GUCA1C: variants seen among roughly 807,000 people sequenced by gnomAD.
The protein encoded by GUCA1C is guanylate cyclase activator 1C, also known as guanylyl cyclase-activating protein 3.
In GUCA1C, 15 loss-of-function variants were observed where a neutral mutation model predicts 16.2. That is an observed-to-expected ratio of 0.93 (90% CI 0.62 to 1.43). The LOEUF is 1.43. GUCA1C is among the 40% of genes most tolerant of loss of function. The probability of loss-of-function intolerance (pLI) is 0.00; values close to 1 mark genes in which losing one functional copy is unlikely to be tolerated. For missense variants in GUCA1C, 275 were observed against 244.8 expected (o/e 1.12, Z -0.82); for synonymous variants, 78 against 85.4 (o/e 0.91, Z 0.48).
chr3:108,940,820 C>T (rs913195162), intron 1 of GUCA1C, among the ~76,000 whole-genome samples: 8 of 152,176 alleles, frequency 5.3e-5, no homozygotes, highest in African/African-American at 1.7e-4. Context: ...AAAGTGTTTT[C>T]AACTGCATTA....
At chr3:108,948,507 C>A (rs1370390081) in intron 1 of GUCA1C, among the ~76,000 whole-genome samples, 1 of 152,124 alleles carries the variant, frequency 6.6e-6, no homozygotes, top group Non-Finnish European at 1.5e-5. Flanking sequence ...AATAAACCCT[C>A]ATTTTTGATG....
chr3:108,928,115 G>A (rs111465719), intron 1 of GUCA1C, among the ~76,000 whole-genome samples: 2 of 152,224 alleles, frequency 1.3e-5, no homozygotes, highest in African/African-American at 4.8e-5. Flanking sequence ...GCATCTCAGG[G>A]AGACTGCAGT....
upstream of GUCA1C, chr3:108,954,021 A>G (rs1056714891): frequency 8.5e-6 from 4 of 471,126 alleles, no homozygotes; most frequent in Admixed American, 1.0e-4. Context: ...TTGTGAAGGG[A>G]ACACGCAATA....
chr3:108,920,027 A>G (rs1489824927), intron 2 of GUCA1C, among the ~76,000 whole-genome samples: 2 of 152,198 alleles, frequency 1.3e-5, no homozygotes, highest in African/African-American at 4.8e-5. Context: ...GAAATACTTC[A>G]GTATAGCTCC....
intron 1 of GUCA1C, among the ~76,000 whole-genome samples, chr3:108,922,160 AACACACAC>A (rs56788372): frequency 0.012 from 608 of 52,106 alleles, 10 homozygotes; most frequent in Admixed American, 0.048. Flanking sequence ...CACATACACA[AACACACAC>A]ACACACACAC....
intron 1 of GUCA1C, among the ~76,000 whole-genome samples, chr3:108,941,060 A>AC (rs200771554): frequency 7.8e-6 from 1 of 128,928 alleles, no homozygotes; most frequent in Non-Finnish European, 1.8e-5. Flanking sequence ...TAAGGGGCTC[A>AC]TTTAAAAAAA....
intron 3 of GUCA1C, among the ~76,000 whole-genome samples, chr3:108,909,017 G>A (rs900910826): frequency 1.2e-4 from 18 of 152,180 alleles, no homozygotes; most frequent in African/African-American, 4.1e-4. Flanking sequence ...AAAGACGGAC[G>A]GAGTGCATTC....
intron 1 of GUCA1C, among the ~76,000 whole-genome samples, chr3:108,932,523 G>A (rs906624033): frequency 6.6e-6 from 1 of 152,118 alleles, no homozygotes; most frequent in African/African-American, 2.4e-5. Flanking sequence ...AGTGGCTACT[G>A]TAGTTGTGAT....
At chr3:108,917,335 T>G (rs1397983847) in intron 2 of GUCA1C, among the ~76,000 whole-genome samples, 5 of 152,190 alleles carry the variant, frequency 3.3e-5, no homozygotes, top group Non-Finnish European at 7.3e-5. Flanking sequence ...ATCACCAATC[T>G]TCAGGTCATA....
At chr3:108,953,394 G>C (rs756163994) in intron 1 of GUCA1C, among the ~76,000 whole-genome samples, 165 bp downstream of exon 1, 2 of 151,386 alleles carry the variant, frequency 1.3e-5, no homozygotes, top group African/African-American at 2.4e-5. Context: ...AGTACTAAAA[G>C]TATTTAATGA....
At chr3:108,910,031 G>A (rs1301843944) in intron 3 of GUCA1C, among the ~76,000 whole-genome samples, 1 of 152,202 alleles carries the variant, frequency 6.6e-6, no homozygotes, top group East Asian at 1.9e-4. Context: ...TATGGTAGGT[G>A]CTCAGAAGGC....
chr3:108,929,506 A>T (rs1946648538), intron 1 of GUCA1C, among the ~76,000 whole-genome samples: 1 of 152,148 alleles, frequency 6.6e-6, no homozygotes, highest in Non-Finnish European at 1.5e-5. Context: ...CAGTGATGAG[A>T]GGGGACATCC....
At chr3:108,937,034 A>G (rs1946734045) in intron 1 of GUCA1C, among the ~76,000 whole-genome samples, 1 of 152,104 alleles carries the variant, frequency 6.6e-6, no homozygotes, top group Admixed American at 6.5e-5. Context: ...AGCACCCCAT[A>G]GACAATAGTC....
intron 1 of GUCA1C, among the ~76,000 whole-genome samples, chr3:108,921,947 C>T (rs2107286356): frequency 6.6e-6 from 1 of 152,224 alleles, no homozygotes; most frequent in South Asian, 2.1e-4. Flanking sequence ...TACCCTTTCC[C>T]CAAAGTCCAA....
chr3:108,908,378 T>C (rs1946413438), intron 3 of GUCA1C, among the ~76,000 whole-genome samples, 169 bp from the exon 4 acceptor site: 1 of 147,558 alleles, frequency 6.8e-6, no homozygotes, highest in Admixed American at 6.7e-5. Context: ...AAAAAAGCAT[T>C]CACTGGTGGT....
At chr3:108,935,034 C>T (rs907170564) in intron 1 of GUCA1C, among the ~76,000 whole-genome samples, 9 of 151,738 alleles carry the variant, frequency 5.9e-5, no homozygotes, top group East Asian at 2.0e-4. Context: ...AGGACGGTCT[C>T]GATCTCCTGA....
At chr3:108,953,295 G>C (rs1342268694) in intron 1 of GUCA1C, among the ~76,000 whole-genome samples, 1 of 152,066 alleles carries the variant, frequency 6.6e-6, no homozygotes, top group African/African-American at 2.4e-5. Flanking sequence ...ATTCCATGCC[G>C]AGATTTAATC....
At chr3:108,918,851 T>G (rs1160713252) in intron 2 of GUCA1C, among the ~76,000 whole-genome samples, 1 of 152,240 alleles carries the variant, frequency 6.6e-6, no homozygotes, top group Non-Finnish European at 1.5e-5. Flanking sequence ...AATAAGTATA[T>G]ATTCCATTGC....
intron 1 of GUCA1C, among the ~76,000 whole-genome samples, chr3:108,945,930 T>C (rs184528533): frequency 3.3e-5 from 5 of 152,192 alleles, no homozygotes; most frequent in Non-Finnish European, 7.3e-5. Flanking sequence ...GATTGTTAAA[T>C]TGTATAAGCC....
Sources: gnomAD v4.1 joint callset for allele counts (sites outside exome capture counted in the v4.1 genomes callset) on GRCh38, gnomAD v4.1.1 for gene constraint, MANE v1.5 for transcripts, NCBI Gene and HGNC (gene_info 2026-07-23, HGNC 2026-07-21) for gene names.